PURG: variants seen among roughly 807,000 people sequenced by gnomAD.
The protein encoded by PURG is purine-rich element-binding protein gamma.
A neutral mutation model predicts 24.3 loss-of-function variants in PURG; 3 were observed. The ratio of observed to expected loss-of-function variants is 0.12; its 90% CI spans 0.06 to 0.32. The LOEUF is 0.32. Ranked by LOEUF, PURG falls within the 10% of genes least tolerant of loss-of-function variation. PURG has a pLI of 1.00. For missense variants in PURG, 371 were observed against 439.1 expected, an observed-to-expected ratio of 0.84 and a Z score of 1.39; for synonymous variants, 180 against 173.1, an observed-to-expected ratio of 1.04 and a Z score of -0.31.
intron 1 of PURG, among the ~76,000 whole-genome samples, chr8:31,010,046 G>A (rs2725377): frequency 0.48 from 72,326 of 151,858 alleles, 18,817 homozygotes; most frequent in East Asian, 0.77. Context: ...GCAGTGAGCC[G>A]TCACTGCACC....
At chr8:31,025,229 T>C (rs568141597) in intron 1 of PURG, among the ~76,000 whole-genome samples, 36 of 152,060 alleles carry the variant, frequency 2.4e-4, no homozygotes, top group Non-Finnish European at 4.3e-4. Context: ...AGCTCTTCAA[T>C]TAAGGATGGG....
chr8:31,024,543 G>A (rs544420139), intron 1 of PURG, among the ~76,000 whole-genome samples: 83 of 152,148 alleles, frequency 5.5e-4, no homozygotes, highest in Non-Finnish European at 6.3e-4. Flanking sequence ...GATGAATTTC[G>A]TTACAGACAA....
At position 31,032,803 on chromosome 8, in the gene PURG, C is replaced by T. The variant is rs1216551153; in HGVS notation, c.-6-15G>A. The T allele has an allele frequency of 3.6e-6, 5 of 1,403,798 alleles. No individual in the cohort carries two copies. The highest frequency in any genetic ancestry group is 4.7e-6 in the Non-Finnish European group (5 of 1,075,158). The allele number at this position is 1,403,798 out of a possible 1,614,324, so 87.0% of individuals were successfully genotyped here. On this transcript the variant is annotated splice_polypyrimidine_tract_variant and intron_variant, in intron 1 of 1. Coordinates refer to ENST00000523392, the MANE Select transcript of PURG (RefSeq NM_001323311.2). This position sits in a 1 kb window ranked among gnomAD's most constrained non-coding sequence, Gnocchi z 5.9. Reference sequence around the variant, plus strand: ...TCCATCTTCAGCTGCAAGTAACAAACAGACACACGGGATGGGGTGGGGGAG... The same window carrying T: ...TCCATCTTCAGCTGCAAGTAACAAATAGACACACGGGATGGGGTGGGGGAG...
intron 1 of PURG, among the ~76,000 whole-genome samples, chr8:31,001,829 G>GA (rs1390484943): frequency 1.3e-5 from 2 of 152,136 alleles, no homozygotes; most frequent in Admixed American, 1.3e-4. Flanking sequence ...TGGTACTCTT[G>GA]AATCGGGTAG....
rs919709532 is a variant in PURG, at chr8:31,020,394, A to C, written c.864+11525T>G. Among the ~76,000 whole-genome samples, 7 of 152,340 alleles carry C rather than the reference A, an allele frequency of 4.6e-5. No homozygotes were observed. The East Asian group carries it at 1.2e-3, about 25-fold the overall frequency. ...TTAATTCCAAGGTCTTTTAAGTCCT[A>C]ATATTTAATAGTCATTAAACTTGTA... On this transcript the variant is annotated intron_variant, in intron 1 of 1. Coordinates refer to the PURG transcript ENST00000339382.
intron 1 of PURG, among the ~76,000 whole-genome samples, chr8:31,003,532 T>C (rs1368412507): frequency 6.6e-6 from 1 of 152,034 alleles, no homozygotes; most frequent in African/African-American, 2.4e-5. Flanking sequence ...GAGGCCACAG[T>C]GGGCAGATCA....
intron 1 of PURG, among the ~76,000 whole-genome samples, chr8:31,005,366 G>A (rs1403154307): frequency 6.6e-6 from 1 of 151,932 alleles, no homozygotes; most frequent in East Asian, 1.9e-4. Context: ...CTGGGAGGTG[G>A]GGGTTGCAGC....
At chr8:31,018,040 T>G (rs1303391579) in intron 1 of PURG, among the ~76,000 whole-genome samples, 1 of 152,204 alleles carries the variant, frequency 6.6e-6, no homozygotes, top group African/African-American at 2.4e-5. Flanking sequence ...AGATTGAAAG[T>G]GAAAAGTTTC....
intron 1 of PURG, among the ~76,000 whole-genome samples, chr8:31,006,722 T>C (rs978318005): frequency 1.3e-5 from 2 of 152,066 alleles, no homozygotes; most frequent in Non-Finnish European, 2.9e-5. Context: ...AGGGGAAAAA[T>C]AAAAATAGTG....
chr8:31,013,134 G>A (rs1012272045), intron 1 of PURG, among the ~76,000 whole-genome samples: 2 of 151,930 alleles, frequency 1.3e-5, no homozygotes, highest in Non-Finnish European at 2.9e-5. Flanking sequence ...CTTAACAGAG[G>A]GCACTGCTTG....
chr8:31,025,483 C>T (rs1243465491), intron 1 of PURG, among the ~76,000 whole-genome samples: 1 of 151,798 alleles, frequency 6.6e-6, no homozygotes, highest in Non-Finnish European at 1.5e-5. Flanking sequence ...ATTTTTAAAC[C>T]TTATGACATG....
At chr8:31,029,690 G>A (rs1207091849), downstream of PURG, among the ~76,000 whole-genome samples, 1 of 151,788 alleles carries the variant, frequency 6.6e-6, no homozygotes, top group East Asian at 1.9e-4. Context: ...CACAGCTCCA[G>A]TTTGCCAAAA....
downstream of PURG, among the ~76,000 whole-genome samples, chr8:31,028,906 G>A (rs1047641201): frequency 6.6e-6 from 1 of 151,692 alleles, no homozygotes; most frequent in African/African-American, 2.4e-5. Flanking sequence ...AGTACTTTTG[G>A]TTACTAACTT....
chr8:31,016,581 C>CAAAAAAAAA (rs11433207), intron 1 of PURG, among the ~76,000 whole-genome samples: 879 of 57,546 alleles, frequency 0.015, 96 homozygotes, highest in East Asian at 0.019. Context: ...TACCAAGAAC[C>CAAAAAAAAA]AAAAAAAAAA....
intron 1 of PURG, among the ~76,000 whole-genome samples, chr8:31,008,074 A>C (rs1810690218): frequency 6.6e-6 from 1 of 152,090 alleles, no homozygotes; most frequent in African/African-American, 2.4e-5. Flanking sequence ...TTGACTGAAA[A>C]CAGTTTTATG....
chr8:31,032,531 G>A lies in PURG; in HGVS notation c.252C>T (p.Phe84=), dbSNP rs1008711052. ...CTATCCAGACTTCGGCTATCTTTAG[G>A]AAGCGGCCCCGGGAGCTTTGCTTCA... is the stretch of plus-strand genomic sequence containing the variant. ...LDVKQSSRGR[F]LKIAEVWIGR... Residue 84 remains phenylalanine (F), a synonymous_variant, in exon 2 of 2, where the codon TTC becomes TTT. Transcript: ENST00000523392. The surrounding 1 kb of genome is among the most constrained non-coding windows in gnomAD (Gnocchi z 5.9). The A allele has an allele frequency of 1.1e-5, 17 of 1,614,112 alleles. No individual in the cohort carries two copies. The East Asian group carries it at 3.6e-4, about 34-fold the overall frequency.
At chr8:31,006,523 C>CAAAAAT (rs1439668755) in intron 1 of PURG, among the ~76,000 whole-genome samples, 2 of 151,224 alleles carry the variant, frequency 1.3e-5, no homozygotes, top group Non-Finnish European at 3.0e-5. Context: ...CGTCTCAAAA[C>CAAAAAT]AAAAACAAAA....
exon 2 of PURG, chr8:30,996,621 T>C (rs1414680707): frequency 1.2e-6 from 2 of 1,611,346 alleles, no homozygotes; most frequent in East Asian, 2.2e-5. Context: ...TGTAGTATCA[T>C]GGGGCTGTTC....
intron 1 of PURG, among the ~76,000 whole-genome samples, chr8:31,015,407 T>C (rs1302518914): frequency 6.6e-6 from 1 of 152,064 alleles, no homozygotes; most frequent in Non-Finnish European, 1.5e-5. Flanking sequence ...AAAGATTAAC[T>C]AGATTGACTA....
Sources: gnomAD v4.1 joint callset for allele counts (sites outside exome capture counted in the v4.1 genomes callset) on GRCh38, gnomAD v4.1.1 for gene constraint, Gnocchi (gnomAD v3.1) non-coding constraint, MANE v1.5 for transcripts, NCBI Gene and HGNC (gene_info 2026-07-23, HGNC 2026-07-21) for gene names.